Variants in CTNNA3 observed in about 807,000 individuals in gnomAD.
CTNNA3 encodes the protein catenin alpha-3.
Under a neutral mutation model 95.7 loss-of-function variants are expected in CTNNA3, and 76 were observed. The observed-to-expected ratio is 0.79, with a 90% CI of 0.66 to 0.96. CTNNA3 has a LOEUF of 0.96. Among genes scored for constraint, CTNNA3 ranks in the 40% least tolerant of loss-of-function variants. The probability of loss-of-function intolerance (pLI) is 0.00; values close to 1 mark genes in which losing one functional copy is unlikely to be tolerated. For synonymous variants in CTNNA3, 431 were observed against 374.4 expected, an observed-to-expected ratio of 1.15 and a Z score of -1.74; for missense variants, 1,191 against 1,089.8, an observed-to-expected ratio of 1.09 and a Z score of -1.31.
chr10:67,602,184 A>T (rs1843103221), intron 3 of CTNNA3, among the ~76,000 whole-genome samples: 1 of 29,164 alleles, frequency 3.4e-5, no homozygotes, highest in Non-Finnish European at 6.5e-5. Flanking sequence ...CCACTGGACA[A>T]ATACCTTTAA....
At chr10:66,136,129 C>T (rs911461299) in intron 13 of CTNNA3, among the ~76,000 whole-genome samples, 2 of 152,094 alleles carry the variant, frequency 1.3e-5, no homozygotes, top group Non-Finnish European at 2.9e-5. Context: ...GTCTCGATCT[C>T]CTGACCTTGT....
intron 7 of CTNNA3, among the ~76,000 whole-genome samples, chr10:67,038,152 T>C (rs562998435): frequency 3.1e-4 from 47 of 152,232 alleles, no homozygotes; most frequent in African/African-American, 1.1e-3. Flanking sequence ...CAAGTTATTA[T>C]ATTTATAAAG....
At chr10:67,317,005 G>A (rs1473245861) in intron 5 of CTNNA3, among the ~76,000 whole-genome samples, 4 of 151,972 alleles carry the variant, frequency 2.6e-5, no homozygotes, top group African/African-American at 4.8e-5. Flanking sequence ...ATATACCACC[G>A]ATCTATTTGC....
rs1342180664 is a variant in CTNNA3 at position 67,209,963 on chromosome 10, T to C, written c.843+9644A>G. On this transcript the variant is annotated intron_variant, in intron 6 of 17. Transcript: ENST00000433211. ...TAACTCAATAAATATATTCAAGATA[T>C]TATAAAAGATCAGCAAATTAACCTA... Among the ~76,000 whole-genome samples the C allele has an allele frequency of 3.9e-5, 6 of 152,054 alleles. No homozygotes were observed. The South Asian group carries it at 1.0e-3, about 26-fold the overall frequency.
chr10:66,847,357 C>G (rs1843317682), intron 7 of CTNNA3, among the ~76,000 whole-genome samples: 1 of 152,110 alleles, frequency 6.6e-6, no homozygotes, highest in Admixed American at 6.5e-5. Context: ...ATACAGAAAA[C>G]ATGGTGACCA....
chr10:67,747,334 C>G (rs182149513), intron 1 of CTNNA3, among the ~76,000 whole-genome samples: 3 of 152,320 alleles, frequency 2.0e-5, no homozygotes, highest in Admixed American at 6.5e-5. Context: ...CAGGGGTCAC[C>G]GGACACCTTA....
intron 12 of CTNNA3, among the ~76,000 whole-genome samples, chr10:66,349,155 T>C (rs2092548056): frequency 6.6e-6 from 1 of 152,110 alleles, no homozygotes; most frequent in Non-Finnish European, 1.5e-5. Context: ...GACAAGCAAC[T>C]TTGTTGGGGA....
At chr10:66,963,250 C>G (rs542692649) in intron 7 of CTNNA3, among the ~76,000 whole-genome samples, 1 of 152,176 alleles carries the variant, frequency 6.6e-6, no homozygotes, top group Non-Finnish European at 1.5e-5. Flanking sequence ...CATGGAAGAG[C>G]AAGCACTTTG....
At chr10:66,573,900 G>T (rs1243551485) in intron 10 of CTNNA3, among the ~76,000 whole-genome samples, 3 of 152,018 alleles carry the variant, frequency 2.0e-5, no homozygotes, top group Non-Finnish European at 4.4e-5. Flanking sequence ...ATCATCCTTT[G>T]AAAAGCTGTA....
intron 7 of CTNNA3, among the ~76,000 whole-genome samples, chr10:66,877,931 C>T (rs1844686892): frequency 6.6e-6 from 1 of 152,056 alleles, no homozygotes; most frequent in Non-Finnish European, 1.5e-5. Flanking sequence ...AAAGTCTAAA[C>T]TGTTAAAGTC....
chr10:66,923,714 T>G (rs1345187707), intron 7 of CTNNA3, among the ~76,000 whole-genome samples: 2 of 152,232 alleles, frequency 1.3e-5, no homozygotes, highest in Non-Finnish European at 2.9e-5. Context: ...TTCTAGTTTT[T>G]GTCTTTGTAT....
chr10:66,302,508 G>A (rs953043558), intron 12 of CTNNA3, among the ~76,000 whole-genome samples: 26 of 152,172 alleles, frequency 1.7e-4, no homozygotes, highest in East Asian at 3.9e-4. Context: ...GTCACATTTC[G>A]AAAGACACTA....
chr10:67,232,634 T>G, intron 5 of CTNNA3, among the ~76,000 whole-genome samples: 1 of 150,706 alleles, frequency 6.6e-6, no homozygotes, highest in Non-Finnish European at 1.5e-5. Flanking sequence ...AACATCATAA[T>G]GACAGGATCA....
At chr10:66,991,903 C>T (rs1851061204) in intron 7 of CTNNA3, among the ~76,000 whole-genome samples, 2 of 152,080 alleles carry the variant, frequency 1.3e-5, no homozygotes, top group Admixed American at 1.3e-4. Flanking sequence ...GAAAAGAAGG[C>T]CATCTATTCA....
chr10:66,434,485 CA>C (rs1382600971), intron 11 of CTNNA3, among the ~76,000 whole-genome samples: 1 of 151,936 alleles, frequency 6.6e-6, no homozygotes, highest in East Asian at 1.9e-4. Context: ...GATTTTTGCA[CA>C]TTGATTTTGT....
chr10:67,266,304 A>G (rs990720745), intron 5 of CTNNA3, among the ~76,000 whole-genome samples: 2 of 152,178 alleles, frequency 1.3e-5, no homozygotes, highest in East Asian at 1.9e-4. Context: ...AAAAATATAT[A>G]TGTTCTACCC....
At chr10:67,270,841 A>T (rs570868377) in intron 5 of CTNNA3, among the ~76,000 whole-genome samples, 91 of 152,326 alleles carry the variant, frequency 6.0e-4, no homozygotes, top group African/African-American at 2.0e-3. Context: ...TGATAATAAC[A>T]ACAAAGAAAA....
chr10:67,185,311 AG>A (rs1233129626), intron 6 of CTNNA3, among the ~76,000 whole-genome samples: 23 of 152,090 alleles, frequency 1.5e-4, no homozygotes, highest in African/African-American at 5.5e-4. Context: ...TATTTTTAGT[AG>A]AGAGAGGGTT....
intron 13 of CTNNA3, among the ~76,000 whole-genome samples, chr10:66,157,563 C>T (rs2084608059): frequency 1.3e-5 from 2 of 151,846 alleles, no homozygotes. Flanking sequence ...TTTATCCATT[C>T]ATTGAGTGAT....
Sources: allele counts gnomAD v4.1 joint callset (sites outside exome capture counted in the v4.1 genomes callset), GRCh38; gene constraint gnomAD v4.1.1; transcripts MANE v1.5; gene names NCBI Gene and HGNC (gene_info 2026-07-23, HGNC 2026-07-21).